FOXJ3: variants seen among roughly 807,000 people sequenced by gnomAD.
FOXJ3 encodes forkhead box protein J3.
Under a neutral mutation model 76.1 loss-of-function variants are expected in FOXJ3, and 22 were observed. The observed-to-expected ratio is 0.29, with a 90% CI of 0.21 to 0.41. The LOEUF (loss-of-function observed/expected upper bound fraction) is 0.41, where lower values mean the gene tolerates loss of function less well. Ranked by LOEUF, FOXJ3 falls within the 10% of genes least tolerant of loss-of-function variation. The pLI, the probability that FOXJ3 is intolerant of heterozygous loss-of-function variation, is 1.00. For synonymous variants in FOXJ3, 269 were observed against 261.2 expected, an observed-to-expected ratio of 1.03 and a Z score of -0.29; for missense variants, 613 against 762.1, an observed-to-expected ratio of 0.80 and a Z score of 2.30.
chr1:42,207,190 C>T (rs1434177743), intron 5 of FOXJ3, among the ~76,000 whole-genome samples: 3 of 152,086 alleles, frequency 2.0e-5, no homozygotes, highest in Admixed American at 2.0e-4. Context: ...ATATCCCTTC[C>T]CCCTACCCTT....
chr1:42,255,097 A>G (rs891106155), intron 4 of FOXJ3, among the ~76,000 whole-genome samples: 1 of 152,212 alleles, frequency 6.6e-6, no homozygotes, highest in East Asian at 1.9e-4. Context: ...AAGGCAACTA[A>G]CTATTTAAAG....
chr1:42,184,257 T>C (rs897549813), intron 11 of FOXJ3, among the ~76,000 whole-genome samples: 9 of 152,118 alleles, frequency 5.9e-5, no homozygotes, highest in African/African-American at 2.2e-4. Flanking sequence ...TTCGAGTTCA[T>C]GTCATAATGA....
chr1:42,283,480 G>A (rs1382943798), intron 2 of FOXJ3, among the ~76,000 whole-genome samples: 1 of 152,112 alleles, frequency 6.6e-6, no homozygotes, highest in Non-Finnish European at 1.5e-5. Context: ...GTGTAGCAAA[G>A]GCTTACTCAG....
At chr1:42,317,512 C>T (rs1466593700) in intron 1 of FOXJ3, among the ~76,000 whole-genome samples, 7 of 89,584 alleles carry the variant, frequency 7.8e-5, no homozygotes, top group African/African-American at 2.8e-4. Flanking sequence ...TAAGAGAAAC[C>T]ATAAAAAAAA....
At chr1:42,241,503 AG>A (rs1308942956) in intron 4 of FOXJ3, among the ~76,000 whole-genome samples, 4 of 152,186 alleles carry the variant, frequency 2.6e-5, no homozygotes, top group Non-Finnish European at 5.9e-5. Flanking sequence ...CACACTGCCT[AG>A]GGGACCAGGG....
At chr1:42,308,594 G>A (rs1020572569) in intron 2 of FOXJ3, among the ~76,000 whole-genome samples, 2 of 152,048 alleles carry the variant, frequency 1.3e-5, no homozygotes, top group Non-Finnish European at 1.5e-5. Flanking sequence ...ATGCCGTAGG[G>A]CTTCTCGGTT....
At chr1:42,267,493 T>C (rs1225704369) in intron 3 of FOXJ3, among the ~76,000 whole-genome samples, 1 of 152,120 alleles carries the variant, frequency 6.6e-6, no homozygotes, top group Admixed American at 6.6e-5. Context: ...AAAAGATGCT[T>C]GTCCATTCAC....
intron 1 of FOXJ3, among the ~76,000 whole-genome samples, chr1:42,311,663 A>AGTAGTAGTAGTC (rs1654821433): frequency 6.6e-6 from 1 of 151,952 alleles, no homozygotes; most frequent in Non-Finnish European, 1.5e-5. Flanking sequence ...TAGTAGTAGT[A>AGTAGTAGTAGTC]GTAGTAGTAG....
At chr1:42,317,978 T>C (rs1655220951) in intron 1 of FOXJ3, among the ~76,000 whole-genome samples, 1 of 152,236 alleles carries the variant, frequency 6.6e-6, no homozygotes, top group African/African-American at 2.4e-5. Flanking sequence ...TTCTCTGTTA[T>C]ATTCCCAAAA....
intron 12 of FOXJ3, among the ~76,000 whole-genome samples, chr1:42,180,525 T>C (rs1646297859): frequency 6.6e-6 from 1 of 152,328 alleles, no homozygotes. Context: ...TGTAGAATTC[T>C]TTCTTTTATT....
intron 2 of FOXJ3, among the ~76,000 whole-genome samples, chr1:42,289,707 A>G (rs1376149279): frequency 2.0e-5 from 3 of 152,188 alleles, no homozygotes; most frequent in African/African-American, 7.2e-5. Flanking sequence ...GCAATCTGAC[A>G]CAAGCTATTT....
chr1:42,277,519 C>T (rs374777576), intron 3 of FOXJ3, among the ~76,000 whole-genome samples: 16,551 of 36,106 alleles, frequency 0.46, 4,432 homozygotes, highest in Admixed American at 0.56. Context: ...AAAATCTGGC[C>T]GGGCGCGGTG....
chr1:42,294,383 T>C (rs1653638917), intron 2 of FOXJ3, among the ~76,000 whole-genome samples: 1 of 152,196 alleles, frequency 6.6e-6, no homozygotes, highest in Non-Finnish European at 1.5e-5. Flanking sequence ...GCTACCTGAT[T>C]CAAGCTGTTT....
At chr1:42,254,254 A>C (rs1398789841) in intron 4 of FOXJ3, among the ~76,000 whole-genome samples, 15 of 149,760 alleles carry the variant, frequency 1.0e-4, no homozygotes, top group African/African-American at 3.2e-4. Context: ...GCAAATCAAA[A>C]CCACAATGAG....
At chr1:42,263,199 CA>C (rs1240259783) in intron 4 of FOXJ3, among the ~76,000 whole-genome samples, 1 of 152,078 alleles carries the variant, frequency 6.6e-6, no homozygotes, top group Admixed American at 6.5e-5. Flanking sequence ...AACTTCTACA[CA>C]AAAGAAAAAT....
chr1:42,331,655 T>G (rs909274592), intron 1 of FOXJ3, among the ~76,000 whole-genome samples: 1 of 151,920 alleles, frequency 6.6e-6, no homozygotes, highest in African/African-American at 2.4e-5. Context: ...TGCCTGGAGG[T>G]GAGGGTACGG....
At chr1:42,328,504 G>A (rs930068414) in intron 1 of FOXJ3, among the ~76,000 whole-genome samples, 2 of 152,110 alleles carry the variant, frequency 1.3e-5, no homozygotes, top group Non-Finnish European at 2.9e-5. Context: ...TGGTATTAAT[G>A]TAGGTCCAAT....
At chr1:42,224,786 A>G (rs978924215) in intron 5 of FOXJ3, among the ~76,000 whole-genome samples, 3 of 152,142 alleles carry the variant, frequency 2.0e-5, no homozygotes, top group Non-Finnish European at 4.4e-5. Context: ...TCTCTTTAGC[A>G]GTTTAGAAGT....
Position 42,188,820 on chromosome 1 carries a change from A to C in FOXJ3, c.1562T>G (p.Leu521Arg). Residue 521 changes from leucine to arginine, a missense_variant, in exon 11 of 13, where the codon CTT becomes CGT. Leu to Arg is a moderately radical substitution (Grantham distance 102). This residue lies in a region of FOXJ3 where 526 missense variants were observed against 601.4 expected (regional missense o/e 0.87). Transcript: ENST00000361346. Reference sequence around the variant, plus strand: ...TTGAACATTACTCTGTGAATGTATAAGGCCAGTTTGTGTAAAGAACTGATT... The same window carrying C: ...TTGAACATTACTCTGTGAATGTATACGGCCAGTTTGTGTAAAGAACTGATT... ...SLNQFFTQTG[L>R]IHSQSNVQQN... 1 of 1,613,388 alleles carries C rather than the reference A, an allele frequency of 6.2e-7. No individual in the cohort carries two copies. The highest frequency in any genetic ancestry group is 1.1e-5 in the South Asian group (1 of 91,006).
Sources: allele counts gnomAD v4.1 joint callset (sites outside exome capture counted in the v4.1 genomes callset), GRCh38; gene constraint gnomAD v4.1.1; regional missense constraint gnomAD v4.1.1; transcripts MANE v1.5; gene names NCBI Gene and HGNC (gene_info 2026-07-23, HGNC 2026-07-21).